PRKAR2B: variants seen among roughly 807,000 people sequenced by gnomAD.
PRKAR2B encodes protein kinase cAMP-dependent type II regulatory subunit beta.
In PRKAR2B, 14 loss-of-function variants were observed where a neutral mutation model predicts 49.9. That is an observed-to-expected ratio of 0.28 (90% CI 0.19 to 0.44). PRKAR2B has a LOEUF of 0.44. Among genes scored for constraint, PRKAR2B ranks in the 20% least tolerant of loss-of-function variants. The probability of loss-of-function intolerance (pLI) is 1.00; values close to 1 mark genes in which losing one functional copy is unlikely to be tolerated. For missense variants in PRKAR2B, 393 were observed against 537.9 expected (o/e 0.73, Z 2.67); for synonymous variants, 196 against 197.7 (o/e 0.99, Z 0.07).
chr7:107,070,759 A>T (rs943656827), intron 2 of PRKAR2B, among the ~76,000 whole-genome samples: 8 of 152,154 alleles, frequency 5.3e-5, no homozygotes, highest in African/African-American at 1.9e-4. Context: ...GTTTGTTTTC[A>T]TAAGAGGGTT....
chr7:107,153,098 A>T, intron 7 of PRKAR2B, 79 bp from the exon 8 acceptor site: 1 of 1,007,346 alleles, frequency 9.9e-7, no homozygotes. Context: ...CCTATAGGCT[A>T]CCAGTTTTTT....
At chr7:107,137,248 T>C (rs527439052) in intron 4 of PRKAR2B, among the ~76,000 whole-genome samples, 36 of 152,346 alleles carry the variant, frequency 2.4e-4, no homozygotes, top group African/African-American at 8.7e-4. Context: ...GAACAGAAGA[T>C]AACTGGTGTA....
chr7:107,147,460 T>G (rs1300218949), intron 6 of PRKAR2B, among the ~76,000 whole-genome samples: 1 of 152,260 alleles, frequency 6.6e-6, no homozygotes, highest in African/African-American at 2.4e-5. Flanking sequence ...ATTCGGGCAA[T>G]ATTTTCACAT....
chr7:107,080,287 A>G (rs1794491174), intron 2 of PRKAR2B, among the ~76,000 whole-genome samples: 1 of 152,146 alleles, frequency 6.6e-6, no homozygotes, highest in Non-Finnish European at 1.5e-5. Flanking sequence ...GTCTAAGAGA[A>G]GGAGTGTTCT....
Position 107,108,765 on chromosome 7 carries a change from T to A in PRKAR2B, c.344-13187T>A, listed in dbSNP as rs1296529672. ...GTGTTATAGCTCCAGAGCCCCAATT[T>A]TTACTGAGCCCCTTTGTCATGTTCA... On this transcript the variant is annotated intron_variant, in intron 2 of 10. Transcript: ENST00000265717. Among the ~76,000 whole-genome samples, 3 of 152,222 alleles carry A rather than the reference T, an allele frequency of 2.0e-5. No individual in the cohort carries two copies. In the East Asian group the frequency reaches 5.8e-4, roughly 29 times the overall value.
chr7:107,081,988 T>C (rs1219728736), intron 2 of PRKAR2B: 3 of 152,114 alleles, frequency 2.0e-5, no homozygotes, highest in Non-Finnish European at 4.4e-5. Context: ...CCTAACAGAG[T>C]ATATAGGCTA....
intron 2 of PRKAR2B, among the ~76,000 whole-genome samples, chr7:107,078,667 G>A (rs946261331): frequency 6.6e-6 from 1 of 152,278 alleles, no homozygotes; most frequent in Non-Finnish European, 1.5e-5. Context: ...CTCTAGCAGC[G>A]CTTGTTTACT....
intron 6 of PRKAR2B, among the ~76,000 whole-genome samples, chr7:107,148,172 C>T (rs148079067): frequency 1.5e-3 from 228 of 152,298 alleles, no homozygotes; most frequent in African/African-American, 5.2e-3. Context: ...CTTTGTCTGC[C>T]TGTAATTAAA....
chr7:107,050,295 A>T (rs1793775927), intron 1 of PRKAR2B, among the ~76,000 whole-genome samples: 1 of 148,674 alleles, frequency 6.7e-6, no homozygotes, highest in South Asian at 2.1e-4. Context: ...TCAAAAACCA[A>T]ACCATTTAGC....
chr7:107,071,377 G>A (rs1015315097), intron 2 of PRKAR2B, among the ~76,000 whole-genome samples: 2 of 152,168 alleles, frequency 1.3e-5, no homozygotes, highest in Non-Finnish European at 2.9e-5. Flanking sequence ...AGGTCTATAA[G>A]GATAATATGC....
At chr7:107,061,700 T>A (rs929031724) in intron 1 of PRKAR2B, among the ~76,000 whole-genome samples, 2 of 152,116 alleles carry the variant, frequency 1.3e-5, no homozygotes, top group African/African-American at 4.8e-5. Context: ...GGTCAGCAGT[T>A]TGAGACCAGC....
intron 1 of PRKAR2B, among the ~76,000 whole-genome samples, chr7:107,050,383 G>A (rs942520015): frequency 1.2e-4 from 13 of 108,450 alleles, no homozygotes; most frequent in Non-Finnish European, 1.7e-5. Context: ...ATAAATTGAT[G>A]TGCTGTGTCT....
chr7:107,045,219 G>A lies in PRKAR2B; in HGVS notation c.307+5G>A. ...CGGACGCAGGGGCGTTCAATGGTGAGGACCAGACCCCCCACTTCGCGCCCC... is the reference window on the plus strand; with the variant it reads ...CGGACGCAGGGGCGTTCAATGGTGAAGACCAGACCCCCCACTTCGCGCCCC... On this transcript the variant is annotated splice_donor_5th_base_variant and intron_variant, in intron 1 of 10. Coordinates refer to ENST00000265717, the MANE Select transcript of PRKAR2B (RefSeq NM_002736.3). 1 of 1,415,548 alleles carries A rather than the reference G, an allele frequency of 7.1e-7. No individual in the cohort carries two copies. The highest frequency in any genetic ancestry group is 9.2e-7 in the Non-Finnish European group (1 of 1,087,444). The allele number at this position is 1,415,548 out of a possible 1,614,324, so 87.7% of individuals were successfully genotyped here. A position where few individuals can be genotyped will look rare whatever the true frequency, so the allele number is the denominator to read the frequency against.
At chr7:107,132,095 C>A (rs1795613708) in intron 4 of PRKAR2B, among the ~76,000 whole-genome samples, 1 of 152,178 alleles carries the variant, frequency 6.6e-6, no homozygotes, top group Admixed American at 6.5e-5. Context: ...GAGAAGATGT[C>A]TGTCTCTTAG....
chr7:107,134,185 T>C (rs1795656016), intron 4 of PRKAR2B, among the ~76,000 whole-genome samples: 1 of 151,998 alleles, frequency 6.6e-6, no homozygotes, highest in African/African-American at 2.4e-5. Context: ...TGCACCACCA[T>C]GGCCAGCTAA....
At chr7:107,148,591 AG>A (rs1193960752) in intron 6 of PRKAR2B, among the ~76,000 whole-genome samples, 1 of 152,256 alleles carries the variant, frequency 6.6e-6, no homozygotes, top group Non-Finnish European at 1.5e-5. Flanking sequence ...ATAATTACTT[AG>A]TATTTCAAGC....
At chr7:107,046,076 AAG>A (rs1260942294) in intron 1 of PRKAR2B, among the ~76,000 whole-genome samples, 4 of 152,190 alleles carry the variant, frequency 2.6e-5, no homozygotes, top group Non-Finnish European at 5.9e-5. Context: ...GGGAAAGAAA[AAG>A]GAATTTTCTC....
intron 2 of PRKAR2B, among the ~76,000 whole-genome samples, chr7:107,107,875 C>G (rs1015409328): frequency 6.6e-6 from 1 of 152,096 alleles, no homozygotes; most frequent in Non-Finnish European, 1.5e-5. Flanking sequence ...CCAGGATGGT[C>G]TCCATCTCTT....
chr7:107,128,686 T>C (rs933992671), intron 4 of PRKAR2B: 1 of 163,064 alleles, frequency 6.1e-6, no homozygotes, highest in African/African-American at 2.4e-5. Flanking sequence ...GGATTGTTTC[T>C]CTTTACAGCC....
Sources: allele counts gnomAD v4.1 joint callset (sites outside exome capture counted in the v4.1 genomes callset), GRCh38; gene constraint gnomAD v4.1.1; transcripts MANE v1.5; gene names NCBI Gene and HGNC (gene_info 2026-07-23, HGNC 2026-07-21).